The following OPCML variants were observed in gnomAD, a reference collection of about 807,000 sequenced individuals.
OPCML encodes opioid binding protein/cell adhesion molecule like.
Under a neutral mutation model 37.8 loss-of-function variants are expected in OPCML, and 13 were observed. The observed-to-expected ratio is 0.34, with a 90% CI of 0.22 to 0.55. The LOEUF (loss-of-function observed/expected upper bound fraction) is 0.55, where lower values mean the gene tolerates loss of function less well. Ranked by LOEUF, OPCML falls within the 20% of genes least tolerant of loss-of-function variation. The pLI is 0.91. For missense variants in OPCML, 341 were observed against 435.6 expected (o/e 0.78, Z 1.93); for synonymous variants, 176 against 168.8 (o/e 1.04, Z -0.33).
intron 7 of OPCML, among the ~76,000 whole-genome samples, chr11:132,429,707 C>T (rs192649906): frequency 6.6e-6 from 1 of 152,284 alleles, no homozygotes; most frequent in East Asian, 1.9e-4. Flanking sequence ...ATAGGATTCC[C>T]TGGGAGAGCT....
chr11:132,491,159 AC>A (rs2096214509), intron 4 of OPCML, among the ~76,000 whole-genome samples: 1 of 152,132 alleles, frequency 6.6e-6, no homozygotes, highest in African/African-American at 2.4e-5. Context: ...GCAACTCCTC[AC>A]TGGCTTCCTG....
At chr11:132,828,798 G>C (rs1045965251) in intron 2 of OPCML, among the ~76,000 whole-genome samples, 1 of 152,176 alleles carries the variant, frequency 6.6e-6, no homozygotes, top group African/African-American at 2.4e-5. Flanking sequence ...AGAGATGACA[G>C]GATGCTCAGT....
At chr11:133,504,156 T>C (rs1947978427) in intron 1 of OPCML, among the ~76,000 whole-genome samples, 1 of 152,176 alleles carries the variant, frequency 6.6e-6, no homozygotes, top group African/African-American at 2.4e-5. Flanking sequence ...TGGGGCTCTG[T>C]AATGCAAGGC....
At chr11:132,428,025 G>A (rs749680691) in intron 7 of OPCML, among the ~76,000 whole-genome samples, 2 of 152,148 alleles carry the variant, frequency 1.3e-5, no homozygotes, top group Non-Finnish European at 2.9e-5. Flanking sequence ...AATCATACAC[G>A]TTATCAGCAG....
intron 2 of OPCML, among the ~76,000 whole-genome samples, chr11:132,790,505 A>G (rs1565865910): frequency 6.6e-6 from 1 of 152,240 alleles, no homozygotes; most frequent in Non-Finnish European, 1.5e-5. Flanking sequence ...TTCAATTTAA[A>G]AAGTCAACCA....
chr11:133,217,314 T>G (rs910454987), intron 1 of OPCML, among the ~76,000 whole-genome samples: 1 of 152,230 alleles, frequency 6.6e-6, no homozygotes, highest in Non-Finnish European at 1.5e-5. Flanking sequence ...CTCATCATTC[T>G]CACCCGTTCC....
At chr11:132,815,535 T>G (rs2136234880) in intron 2 of OPCML, among the ~76,000 whole-genome samples, 1 of 152,312 alleles carries the variant, frequency 6.6e-6, no homozygotes, top group Non-Finnish European at 1.5e-5. Context: ...TACCTTAGAT[T>G]ATTTTCCCCC....
chr11:132,452,344 G>T (rs2136854342), intron 4 of OPCML, among the ~76,000 whole-genome samples: 1 of 152,244 alleles, frequency 6.6e-6, no homozygotes, highest in African/African-American at 2.4e-5. Context: ...GCTTGGGTTT[G>T]TGAAGGAGTC....
At chr11:133,115,740 A>G (rs1949323603) in intron 1 of OPCML, among the ~76,000 whole-genome samples, 1 of 152,166 alleles carries the variant, frequency 6.6e-6, no homozygotes, top group African/African-American at 2.4e-5. Flanking sequence ...TTATTTATAT[A>G]TAATTTAAAC....
chr11:133,164,130 T>C (rs1279781194), intron 1 of OPCML, among the ~76,000 whole-genome samples: 1 of 152,232 alleles, frequency 6.6e-6, no homozygotes, highest in Non-Finnish European at 1.5e-5. Context: ...ACCAAGTCAC[T>C]TTTAAAAAGT....
chr11:132,881,699 C>T (rs779598168), intron 2 of OPCML, among the ~76,000 whole-genome samples: 1 of 152,166 alleles, frequency 6.6e-6, no homozygotes, highest in Non-Finnish European at 1.5e-5. Flanking sequence ...ATAAAGGATA[C>T]ACCAGTGATT....
chr11:132,796,992 A>G (rs984849882), intron 2 of OPCML, among the ~76,000 whole-genome samples: 1 of 152,136 alleles, frequency 6.6e-6, no homozygotes, highest in African/African-American at 2.4e-5. Flanking sequence ...AGGATTATTT[A>G]TACACTCTAG....
intron 3 of OPCML, among the ~76,000 whole-genome samples, chr11:132,616,705 A>G (rs1939049371): frequency 6.6e-6 from 1 of 152,200 alleles, no homozygotes; most frequent in Admixed American, 6.5e-5. Flanking sequence ...AATACCTCCT[A>G]TGTGAAAGCA....
chr11:133,429,240 A>G (rs1289118666), intron 1 of OPCML, among the ~76,000 whole-genome samples: 1 of 152,210 alleles, frequency 6.6e-6, no homozygotes, highest in Non-Finnish European at 1.5e-5. Context: ...CTGCAAAGCC[A>G]CTGAGGTGGG....
In OPCML at chr11:133,147,166, G is replaced by C. The variant is rs117240694; in HGVS notation, c.62-204156C>G. Among the ~76,000 whole-genome samples the C allele has an allele frequency of 5.4e-3, 817 of 152,304 alleles. 5 individuals carry two copies. The highest frequency in any genetic ancestry group is 0.01 in the Middle Eastern group (3 of 294). ...ACTTTAAATAGCTCTTCAGGGGGGT[G>C]TTCCTATCACTAAGGCTGATAGGCA... On this transcript the variant is annotated intron_variant, in intron 1 of 7. Coordinates refer to ENST00000524381, the MANE Select transcript of OPCML (RefSeq NM_001012393.5).
chr11:132,878,901 C>A (rs188787156), intron 2 of OPCML, among the ~76,000 whole-genome samples: 3 of 152,236 alleles, frequency 2.0e-5, no homozygotes, highest in Admixed American at 6.5e-5. Flanking sequence ...AGGATCTGAG[C>A]GTTGAGTACT....
intron 3 of OPCML, among the ~76,000 whole-genome samples, chr11:132,628,254 A>C (rs1274738641): frequency 6.6e-6 from 1 of 152,210 alleles, no homozygotes; most frequent in African/African-American, 2.4e-5. Context: ...CACGTTACCA[A>C]GGGAAAAATG....
chr11:133,008,250 G>A, intron 1 of OPCML: 9 of 985,390 alleles, frequency 9.1e-6, no homozygotes, highest in Non-Finnish European at 1.1e-5. Flanking sequence ...ACTTAGTAGA[G>A]CAAGAAATTG....
intron 3 of OPCML, among the ~76,000 whole-genome samples, chr11:132,553,244 C>G (rs1052039543): frequency 6.6e-6 from 1 of 152,194 alleles, no homozygotes; most frequent in Non-Finnish European, 1.5e-5. Context: ...GTACCAAGCA[C>G]AGCATCTTCA....
Sources: gnomAD v4.1 joint callset for allele counts (sites outside exome capture counted in the v4.1 genomes callset) on GRCh38, gnomAD v4.1.1 for gene constraint, MANE v1.5 for transcripts, NCBI Gene and HGNC (gene_info 2026-07-23, HGNC 2026-07-21) for gene names.